CHMP7: variants seen among roughly 807,000 people sequenced by gnomAD.
CHMP7 encodes the protein CHMP family, member 7.
A neutral mutation model predicts 53.7 loss-of-function variants in CHMP7; 15 were observed. The ratio of observed to expected loss-of-function variants is 0.28; its 90% confidence interval spans 0.19 to 0.43. The LOEUF is 0.43. Among genes scored for constraint, CHMP7 ranks in the 20% least tolerant of loss-of-function variants. The pLI is 1.00. For missense variants in CHMP7, 527 were observed against 569.4 expected (o/e 0.93, Z 0.76); for synonymous variants, 261 against 228.0 (o/e 1.14, Z -1.30).
intron 4 of CHMP7, among the ~76,000 whole-genome samples, chr8:23,255,975 G>T (rs779195192): frequency 1.8e-4 from 28 of 151,942 alleles, no homozygotes; most frequent in Non-Finnish European, 3.2e-4. Context: ...TAGCCAGGCT[G>T]TCTTGAACTC....
intron 5 of CHMP7, among the ~76,000 whole-genome samples, chr8:23,257,722 T>A (rs148970991): frequency 1.2e-4 from 18 of 152,320 alleles, no homozygotes; most frequent in African/African-American, 3.8e-4. Context: ...GAGGTCATTG[T>A]TGGTGTTAAC....
At chr8:23,257,137 C>G (rs1208099639) in intron 5 of CHMP7, among the ~76,000 whole-genome samples, 1 of 142,844 alleles carries the variant, frequency 7.0e-6, no homozygotes, top group African/African-American at 2.6e-5. Flanking sequence ...CTTGCACTGT[C>G]CCCTAGGCTG....
rs753354111 is a variant in CHMP7, at chr8:23,258,501, G to A, written c.960+52G>A. ...TTGGCTGGTCTCTCCGTGTGTGTTG[G>A]TCACTTGCAGCTTCGGCTTGGCTGT... is the stretch of plus-strand genomic sequence containing the variant. On this transcript the variant is annotated intron_variant, in intron 7 of 10. Transcript: ENST00000397677. 5.0e-6 allele frequency: 8 copies of A among 1,605,302 alleles called. No individual in the cohort carries two copies. The South Asian group carries it at 8.8e-5, about 18-fold the overall frequency.
At chr8:23,254,165 C>T (rs2128858664) in intron 3 of CHMP7, among the ~76,000 whole-genome samples, 1 of 146,476 alleles carries the variant, frequency 6.8e-6, no homozygotes, top group East Asian at 2.1e-4. Context: ...AACTTGCTCA[C>T]TCTTCAGAAT....
intron 3 of CHMP7, among the ~76,000 whole-genome samples, chr8:23,254,065 C>A (rs1187939125): frequency 1.3e-5 from 2 of 152,092 alleles, no homozygotes; most frequent in African/African-American, 4.8e-5. Flanking sequence ...CCTTTCCCCT[C>A]TACATTTGTA....
intron 5 of CHMP7, among the ~76,000 whole-genome samples, chr8:23,257,402 G>T (rs1429766250): frequency 6.6e-6 from 1 of 152,262 alleles, no homozygotes; most frequent in Non-Finnish European, 1.5e-5. Context: ...AGCTGAAAAC[G>T]TGAGTCTTAA....
intron 2 of CHMP7, among the ~76,000 whole-genome samples, chr8:23,248,809 G>A (rs1801808843): frequency 1.3e-5 from 2 of 152,154 alleles, no homozygotes; most frequent in Non-Finnish European, 2.9e-5. Context: ...TCTTGCACTC[G>A]ACAGTGATTT....
chr8:23,255,405 C>T lies in CHMP7; in HGVS notation c.630C>T (p.Val210=). Residue 210 remains valine (V), a synonymous_variant, in exon 4 of 11, where the codon GTC becomes GTT. Coordinates refer to ENST00000397677, the MANE Select transcript of CHMP7 (RefSeq NM_152272.5). ...TGCAGCTGCAGAAGGAGAAGAGGGTCACAGTCCTCGAGCAGAACGGGGAGA... is the reference window on the plus strand; with the variant it reads ...TGCAGCTGCAGAAGGAGAAGAGGGTTACAGTCCTCGAGCAGAACGGGGAGA... ...VLLQLQKEKR[V]TVLEQNGEKI... 2 of 1,614,212 alleles carry T rather than the reference C, an allele frequency of 1.2e-6. No individual in the cohort carries two copies. Among genetic ancestry groups the T allele is most frequent in the Non-Finnish European group, 1.7e-6 (2 of 1,180,042 alleles).
rs772461741 is a variant in CHMP7 at position 23,259,033 on chromosome 8, C to T, written c.1060-33C>T. 4 of 1,469,790 alleles carry T rather than the reference C, an allele frequency of 2.7e-6. No individual in the cohort carries two copies. In the South Asian group the frequency reaches 3.4e-5, roughly 13 times the overall value. The allele number at this position is 1,469,790 out of a possible 1,614,324, so 91.0% of individuals were successfully genotyped here. ...GACTGAGATGCTCAGAGCCACCATG[C>T]CCAGCTCAAGGCTTTGCACTTGTCT... is the stretch of plus-strand genomic sequence containing the variant. On this transcript the variant is annotated intron_variant, in intron 8 of 10. Transcript: ENST00000397677.
Position 23,256,556 on chromosome 8 carries a change from T to C in CHMP7, c.754T>C (p.Ser252Pro). Reference protein sequence around the residue: ...YQLMQSEQLLSRKVESLSQEA... With the variant: ...YQLMQSEQLLPRKVESLSQEA... ...GCTGATGCAGAGTGAACAGCTTCTC[T>C]CACGCAAAGTGGAGTCCTTATCCCA... The change falls in exon 5 of 11, where the codon TCA becomes CCA. Residue 252 changes from serine (S) to proline (P), a missense_variant. Coordinates refer to ENST00000397677, the MANE Select transcript of CHMP7 (RefSeq NM_152272.5). 1 of 1,614,050 alleles carries C rather than the reference T, an allele frequency of 6.2e-7. No individual in the cohort carries two copies. The highest frequency in any genetic ancestry group is 8.5e-7 in the Non-Finnish European group (1 of 1,179,934).
At chr8:23,246,028 A>G (rs1801670896) in intron 1 of CHMP7, 1 of 152,184 alleles carries the variant, frequency 6.6e-6, no homozygotes, top group African/African-American at 2.4e-5. Context: ...GAGGTTAATC[A>G]ATTTCATTGA....
chr8:23,256,700 T>C, intron 5 of CHMP7, 107 bp downstream of exon 5: 1 of 892,220 alleles, frequency 1.1e-6, no homozygotes, highest in Non-Finnish European at 1.7e-6. Flanking sequence ...GTTTTTTTTT[T>C]TTTTAGCTAA....
intron 2 of CHMP7, 91 bp downstream of exon 2, chr8:23,247,085 T>C: frequency 7.8e-7 from 1 of 1,284,624 alleles, no homozygotes; most frequent in Non-Finnish European, 1.0e-6. Flanking sequence ...CACAGCGCAC[T>C]GCGCCCAGCC....
At chr8:23,253,933 A>G (rs1299592094) in intron 3 of CHMP7, among the ~76,000 whole-genome samples, 1 of 152,220 alleles carries the variant, frequency 6.6e-6, no homozygotes, top group African/African-American at 2.4e-5. Flanking sequence ...TAATCTAGCC[A>G]TGTCAGTTTC....
intron 4 of CHMP7, 107 bp from the exon 5 acceptor site, chr8:23,256,353 T>A (rs79754531): frequency 0.19 from 145,985 of 751,672 alleles, 16,761 homozygotes; most frequent in Non-Finnish European, 0.24. Flanking sequence ...ATATCCCCCA[T>A]GGATAAGGGG....
intron 3 of CHMP7, among the ~76,000 whole-genome samples, chr8:23,251,210 A>AT (rs1432669681): frequency 1.3e-5 from 2 of 151,902 alleles, no homozygotes; most frequent in Non-Finnish European, 2.9e-5. Context: ...GTTGAGGTAA[A>AT]TTTTTTTTCC....
chr8:23,246,526 C>A lies in CHMP7; in HGVS notation c.-170C>A. The A allele has an allele frequency of 1.6e-6, 1 of 621,220 alleles. No homozygotes were observed. Among genetic ancestry groups the A allele is most frequent in the Non-Finnish European group, 2.8e-6 (1 of 357,456 alleles). 38.5% of individuals were successfully genotyped at this position (621,220 alleles called of 1,614,324 possible). ...ATACTGCCTCCTGGCTGACGGAGCGCAGCGCAACGCATGCGCCTTGAAGAC... is the reference window on the plus strand; with the variant it reads ...ATACTGCCTCCTGGCTGACGGAGCGAAGCGCAACGCATGCGCCTTGAAGAC... On this transcript the variant is annotated 5_prime_UTR_variant, in exon 2 of 11. Coordinates refer to ENST00000397677, the MANE Select transcript of CHMP7 (RefSeq NM_152272.5).
At chr8:23,250,966 G>A (rs1801904666) in intron 3 of CHMP7, among the ~76,000 whole-genome samples, 1 of 152,190 alleles carries the variant, frequency 6.6e-6, no homozygotes, top group African/African-American at 2.4e-5. Context: ...TGCTCCATCT[G>A]CACCCCTTCC....
intron 2 of CHMP7, among the ~76,000 whole-genome samples, chr8:23,247,755 T>C (rs12544554): frequency 0.34 from 51,262 of 151,964 alleles, 9,732 homozygotes; most frequent in South Asian, 0.49. Flanking sequence ...AGTGACTTAC[T>C]CAGAGTTACA....
Sources: gnomAD v4.1 joint callset for allele counts (sites outside exome capture counted in the v4.1 genomes callset) on GRCh38, gnomAD v4.1.1 for gene constraint, MANE v1.5 for transcripts, NCBI Gene and HGNC (gene_info 2026-07-23, HGNC 2026-07-21) for gene names.